The following FAM13C variants were observed in gnomAD, a reference collection of about 807,000 sequenced individuals.
The protein encoded by FAM13C is family with sequence similarity 13 member C.
Under a neutral mutation model 73.2 loss-of-function variants are expected in FAM13C, and 37 were observed. The ratio of observed to expected loss-of-function variants is 0.51; its 90% CI spans 0.39 to 0.67. FAM13C has a LOEUF of 0.67. FAM13C is among the 30% of genes least tolerant of loss of function. FAM13C has a pLI of 0.00. For synonymous variants in FAM13C, 246 were observed against 260.9 expected (o/e 0.94, Z 0.55); for missense variants, 589 against 715.6 (o/e 0.82, Z 2.02).
rs993269695 is a variant in FAM13C at position 59,352,353 on chromosome 10, G to A, written c.241C>T (p.Arg81Ter). ...EATVLVDSVL[R>*]PSMGNFKSRK... ...GACTTGAAGTTGCCCATGCTGGGTC[G>A]CAATACGCTGTCCACCAGCACGGTC... Residue 81 changes from arginine to a stop codon, truncating the protein, a stop_gained, in exon 3 of 14, where the codon CGA becomes TGA. Coordinates refer to ENST00000618804, the MANE Select transcript of FAM13C (RefSeq NM_198215.4). LOFTEE classifies it high-confidence loss of function. 2 of 1,614,156 alleles carry A rather than the reference G, an allele frequency of 1.2e-6. No homozygotes were observed. Among genetic ancestry groups the A allele is most frequent in the Non-Finnish European group, 1.7e-6 (2 of 1,180,048 alleles).
chr10:59,358,685 G>A (rs1017161992), intron 1 of FAM13C, among the ~76,000 whole-genome samples: 1 of 152,162 alleles, frequency 6.6e-6, no homozygotes, highest in African/African-American at 2.4e-5. Context: ...GATTTGGCAA[G>A]AACTTATTTT....
intron 3 of FAM13C, among the ~76,000 whole-genome samples, chr10:59,338,698 A>G (rs976909749): frequency 2.0e-5 from 3 of 152,184 alleles, no homozygotes; most frequent in African/African-American, 7.2e-5. Flanking sequence ...CCCACTCCAT[A>G]CCATTGTGTA....
At chr10:59,255,589 G>A (rs1000242173) in intron 10 of FAM13C, among the ~76,000 whole-genome samples, 6 of 152,072 alleles carry the variant, frequency 3.9e-5, no homozygotes, top group African/African-American at 1.2e-4. Flanking sequence ...GTAGTGGGAA[G>A]GGAATAGTAG....
chr10:59,352,094 C>A (rs1564624946), intron 3 of FAM13C, among the ~76,000 whole-genome samples, 176 bp downstream of exon 3: 2 of 152,116 alleles, frequency 1.3e-5, no homozygotes, highest in Non-Finnish European at 2.9e-5. Flanking sequence ...CGGCTCAGAG[C>A]ACCCAACTTT....
At chr10:59,338,941 C>T (rs1438750021) in intron 3 of FAM13C, among the ~76,000 whole-genome samples, 2 of 152,226 alleles carry the variant, frequency 1.3e-5, no homozygotes, top group South Asian at 2.1e-4. Flanking sequence ...ACTTTATTCT[C>T]TCACAGTTGT....
chr10:59,267,607 A>G (rs1843206698), intron 8 of FAM13C, among the ~76,000 whole-genome samples: 1 of 152,158 alleles, frequency 6.6e-6, no homozygotes, highest in Admixed American at 6.5e-5. Flanking sequence ...TCCTTCAGTG[A>G]ATTTCAGGCC....
intron 5 of FAM13C, among the ~76,000 whole-genome samples, chr10:59,290,971 A>G (rs1040216353): frequency 1.3e-5 from 2 of 152,002 alleles, no homozygotes; most frequent in African/African-American, 4.8e-5. Context: ...AAAGACGTGC[A>G]CTCCCAGGAC....
chr10:59,344,819 C>T (rs991380859), intron 3 of FAM13C, among the ~76,000 whole-genome samples: 8 of 152,114 alleles, frequency 5.3e-5, no homozygotes, highest in African/African-American at 1.7e-4. Flanking sequence ...TAAACTGATA[C>T]TCAACTATTT....
In FAM13C at chr10:59,247,454, T is replaced by G. The variant is rs1274049342; in HGVS notation, c.*160A>C. On this transcript the variant is annotated 3_prime_UTR_variant, in exon 14 of 14. Coordinates refer to ENST00000618804, the MANE Select transcript of FAM13C (RefSeq NM_198215.4). ...TTCCCCCCGTTTAAATCCCTTCTCCTTGTATATAATTAAACTTGCTATTCC... is the reference window on the plus strand; with the variant it reads ...TTCCCCCCGTTTAAATCCCTTCTCCGTGTATATAATTAAACTTGCTATTCC... 6.0e-6 allele frequency: 5 copies of G among 839,112 alleles called. No homozygotes were observed. Among genetic ancestry groups the G allele is most frequent in the Non-Finnish European group, 9.4e-6 (5 of 530,544 alleles). The allele number at this position is 839,112 out of a possible 1,614,324, so 52.0% of individuals were successfully genotyped here.
At chr10:59,344,310 G>T (rs1424825012) in intron 3 of FAM13C, among the ~76,000 whole-genome samples, 1 of 139,754 alleles carries the variant, frequency 7.2e-6, no homozygotes, top group Non-Finnish European at 1.5e-5. Context: ...ACAGAGTCTC[G>T]CTCTGTCGCC....
intron 1 of FAM13C, among the ~76,000 whole-genome samples, chr10:59,357,184 C>A (rs1343940587): frequency 6.6e-6 from 1 of 152,166 alleles, no homozygotes; most frequent in Non-Finnish European, 1.5e-5. Flanking sequence ...CTACTAAACT[C>A]CCCTTCGAAC....
In FAM13C at chr10:59,353,116, C is replaced by T. The variant is rs891564029; in HGVS notation, c.120-642G>A. 2.6e-5 allele frequency among the ~76,000 whole-genome samples: 4 copies of T among 152,188 alleles called. No homozygotes were observed. The East Asian group carries it at 7.7e-4, about 29-fold the overall frequency. On this transcript the variant is annotated intron_variant, in intron 2 of 13. Transcript: ENST00000618804. ...AATGCAAAGTCAAACATCCAAATGTCCAAGTTCTGGTTCTGAAGAAGATGG... is the reference window on the plus strand; with the variant it reads ...AATGCAAAGTCAAACATCCAAATGTTCAAGTTCTGGTTCTGAAGAAGATGG...
chr10:59,264,315 G>T, intron 8 of FAM13C, 149 bp from the exon 9 acceptor site: 2 of 616,074 alleles, frequency 3.2e-6, no homozygotes, highest in South Asian at 2.0e-5. Context: ...AGAAATTCGG[G>T]TGTGAAATTT....
At chr10:59,269,136 C>T (rs1351099767) in intron 7 of FAM13C, among the ~76,000 whole-genome samples, 3 of 151,916 alleles carry the variant, frequency 2.0e-5, no homozygotes, top group African/African-American at 7.3e-5. Context: ...TGCATACACC[C>T]CCTCACATAA....
In FAM13C at chr10:59,327,151, G is replaced by A. The variant is rs908219370; in HGVS notation, c.325-3045C>T. On this transcript the variant is annotated intron_variant, in intron 3 of 13. Coordinates refer to ENST00000618804, the MANE Select transcript of FAM13C (RefSeq NM_198215.4). ...GGCATGTAACAACACAAGACGTCCC[G>A]ACCCAAGTACCTTACAGGGAATAGG... 1.6e-4 allele frequency among the ~76,000 whole-genome samples: 24 copies of A among 151,910 alleles called. 1 individual carries two copies. The highest frequency in any genetic ancestry group is 1.0e-4 in the Non-Finnish European group (7 of 68,000).
At chr10:59,339,266 G>GACCTTTA (rs1486885026) in intron 3 of FAM13C, among the ~76,000 whole-genome samples, 1 of 152,072 alleles carries the variant, frequency 6.6e-6, no homozygotes, top group Non-Finnish European at 1.5e-5. Flanking sequence ...GTCACATTCT[G>GACCTTTA]AGGTTCCAAG....
At chr10:59,341,708 A>T (rs1477996467) in intron 3 of FAM13C, among the ~76,000 whole-genome samples, 1 of 152,132 alleles carries the variant, frequency 6.6e-6, no homozygotes, top group Non-Finnish European at 1.5e-5. Context: ...AAGGAAAAAG[A>T]AAGAAAGAAA....
intron 3 of FAM13C, among the ~76,000 whole-genome samples, chr10:59,338,652 TCATCAACCTGC>T (rs1261781143): frequency 6.6e-6 from 1 of 152,170 alleles, no homozygotes; most frequent in Non-Finnish European, 1.5e-5. Context: ...AAATGACTAG[TCATCAACCTGC>T]CTCAGCTTCC....
intron 1 of FAM13C, among the ~76,000 whole-genome samples, chr10:59,358,360 A>G (rs1025889694): frequency 1.3e-5 from 2 of 152,186 alleles, no homozygotes; most frequent in African/African-American, 4.8e-5. Context: ...CCTGGGCAAC[A>G]GAGTGAGACT....
Sources: allele counts gnomAD v4.1 joint callset (sites outside exome capture counted in the v4.1 genomes callset), GRCh38; gene constraint gnomAD v4.1.1; transcripts MANE v1.5; gene names NCBI Gene and HGNC (gene_info 2026-07-23, HGNC 2026-07-21).